PPP2R2C: variants seen among roughly 807,000 people sequenced by gnomAD.
PPP2R2C encodes the protein protein phosphatase 2, regulatory subunit B, gamma.
PPP2R2C carries 10 observed loss-of-function variants against 45.3 expected under a neutral mutation model. The observed-to-expected ratio is 0.22, with a 90% CI of 0.14 to 0.37. The LOEUF is 0.37. PPP2R2C is among the 10% of genes least tolerant of loss of function. The pLI is 1.00. For missense variants in PPP2R2C, 308 were observed against 619.7 expected (o/e 0.50, Z 5.34); for synonymous variants, 257 against 245.4 (o/e 1.05, Z -0.44).
chr4:6,429,672 T>A (rs903145724), intron 1 of PPP2R2C, among the ~76,000 whole-genome samples: 1 of 152,124 alleles, frequency 6.6e-6, no homozygotes, highest in Non-Finnish European at 1.5e-5. Context: ...CCGACAGGGA[T>A]GAAAAGCCAA....
At chr4:6,523,033 G>A (rs1253050837) in intron 2 of PPP2R2C, among the ~76,000 whole-genome samples, 2 of 152,234 alleles carry the variant, frequency 1.3e-5, no homozygotes, top group Non-Finnish European at 2.9e-5. Context: ...GGGTCAAGAA[G>A]TCATACGTCC....
intron 1 of PPP2R2C, among the ~76,000 whole-genome samples, chr4:6,447,743 T>C (rs1045472596): frequency 6.6e-6 from 1 of 151,966 alleles, no homozygotes; most frequent in Non-Finnish European, 1.5e-5. Flanking sequence ...AGTCAGGGTC[T>C]ACCTCGTAGG....
intron 1 of PPP2R2C, among the ~76,000 whole-genome samples, chr4:6,386,204 A>G (rs541082650): frequency 1.3e-5 from 2 of 152,346 alleles, no homozygotes; most frequent in African/African-American, 4.8e-5. Context: ...TGGGAGGAAC[A>G]GCCGGCGTTG....
Position 6,329,200 on chromosome 4 carries a change from C to A in PPP2R2C, c.1052+62G>T. 2.0e-6 allele frequency: 3 copies of A among 1,506,716 alleles called. No individual in the cohort carries two copies. The highest frequency in any genetic ancestry group is 2.1e-4 in the Middle Eastern group (1 of 4,746). 93.3% of individuals were successfully genotyped at this position (1,506,716 alleles called of 1,614,324 possible). On this transcript the variant is annotated intron_variant, in intron 8 of 8. Transcript: ENST00000382599. The surrounding 1 kb of genome is among the most constrained non-coding windows in gnomAD (Gnocchi z 5.8). ...CGGGTCACCGGAATCCCAGCCCAGA[C>A]CCCTGCAGGGCAGAAACCCTCCCTA...
At chr4:6,526,384 G>C (rs764899494) in intron 2 of PPP2R2C, among the ~76,000 whole-genome samples, 3 of 152,288 alleles carry the variant, frequency 2.0e-5, no homozygotes, top group Non-Finnish European at 4.4e-5. Flanking sequence ...GAAAGCTCTC[G>C]GCGCTCAGTG....
chr4:6,406,628 G>A (rs538476095), intron 1 of PPP2R2C, among the ~76,000 whole-genome samples: 3 of 152,038 alleles, frequency 2.0e-5, no homozygotes, highest in South Asian at 2.1e-4. Context: ...ATGGTGGCAC[G>A]CACCTGTAAT....
intron 1 of PPP2R2C, among the ~76,000 whole-genome samples, chr4:6,421,281 C>T (rs368623707): frequency 6.6e-6 from 1 of 152,108 alleles, no homozygotes; most frequent in African/African-American, 2.4e-5. Context: ...CCCTGAAGGC[C>T]GTGCGGGTCA....
In PPP2R2C at chr4:6,329,347, C is replaced by T. The variant is rs763692349; in HGVS notation, c.967G>A (p.Asp323Asn). 3 of 1,614,064 alleles carry T rather than the reference C, an allele frequency of 1.9e-6. No homozygotes were observed. The highest frequency in any genetic ancestry group is 2.5e-6 in the Non-Finnish European group (3 of 1,179,872). ...GAACAGAGCTTGCTCCGAAGGTAGT[C>T]ATGGACCTGGTGGGATAAGGGATGA... ...ARPIETYQVH[D>N]YLRSKLCSLY... Residue 323 changes from aspartate to asparagine, a missense_variant, in exon 8 of 9, where the codon GAC becomes AAC. Coordinates refer to ENST00000382599, the MANE Select transcript of PPP2R2C (RefSeq NM_020416.4). This position sits in a 1 kb window ranked among gnomAD's most constrained non-coding sequence, Gnocchi z 5.8.
chr4:6,412,294 G>A (rs921089001), intron 1 of PPP2R2C, among the ~76,000 whole-genome samples: 5 of 152,092 alleles, frequency 3.3e-5, no homozygotes, highest in Admixed American at 1.3e-4. Flanking sequence ...TCTAAACAAC[G>A]TTCAGGGGCT....
At chr4:6,359,264 A>G (rs1370783473) in intron 5 of PPP2R2C, among the ~76,000 whole-genome samples, 1 of 152,198 alleles carries the variant, frequency 6.6e-6, no homozygotes, top group East Asian at 1.9e-4. Flanking sequence ...CAAACTCCAC[A>G]TGTTCTCACT....
intron 1 of PPP2R2C, among the ~76,000 whole-genome samples, chr4:6,386,635 A>G (rs548104529): frequency 6.6e-6 from 1 of 152,248 alleles, no homozygotes; most frequent in South Asian, 2.1e-4. Flanking sequence ...AAGTAACAAA[A>G]ATCTAGAGTC....
intron 1 of PPP2R2C, among the ~76,000 whole-genome samples, chr4:6,543,628 C>T (rs1269455470): frequency 1.3e-5 from 2 of 152,168 alleles, no homozygotes; most frequent in East Asian, 3.9e-4. Context: ...CAAGGGACCC[C>T]TGAGAACCAT....
chr4:6,340,288 C>G (rs968044014), intron 6 of PPP2R2C, among the ~76,000 whole-genome samples: 1 of 152,182 alleles, frequency 6.6e-6, no homozygotes. Context: ...AGCCAGGTTC[C>G]TCTCAGACAC....
chr4:6,475,621 G>A (rs372971503), upstream of PPP2R2C, among the ~76,000 whole-genome samples: 34 of 152,224 alleles, frequency 2.2e-4, no homozygotes, highest in Middle Eastern at 6.8e-3. Flanking sequence ...CTGAGTTCTC[G>A]TGGTCTCACC....
intron 6 of PPP2R2C, among the ~76,000 whole-genome samples, chr4:6,336,638 TCC>T: frequency 9.1e-5 from 1 of 11,028 alleles, no homozygotes; most frequent in East Asian, 1.4e-3. Flanking sequence ...CTTACTTCCC[TCC>T]CTCCCTCCCT....
intron 1 of PPP2R2C, among the ~76,000 whole-genome samples, chr4:6,419,882 T>A (rs919288623): frequency 2.0e-5 from 3 of 152,078 alleles, no homozygotes; most frequent in Non-Finnish European, 4.4e-5. Flanking sequence ...CTGTGTGTCC[T>A]CTCCTTAGAA....
intron 2 of PPP2R2C, among the ~76,000 whole-genome samples, chr4:6,480,218 T>C (rs1312738667): frequency 2.0e-5 from 3 of 152,248 alleles, no homozygotes; most frequent in Admixed American, 6.5e-5. Context: ...TATATAAACC[T>C]GATCATATTG....
intron 1 of PPP2R2C, among the ~76,000 whole-genome samples, chr4:6,464,878 G>A (rs1383965622): frequency 2.0e-5 from 3 of 150,190 alleles, no homozygotes; most frequent in African/African-American, 7.4e-5. Context: ...GAAAGTGTGT[G>A]GGGGAGAGAC....
Position 6,332,772 on chromosome 4 carries a change from A to G in PPP2R2C, c.960+790T>C, listed in dbSNP as rs7682727. Reference sequence around the variant, plus strand: ...ACAGATGTCAAGCACGTGGCACCCCATGTGTGAGGAGTGACACGGTGAGGA... The same window carrying G: ...ACAGATGTCAAGCACGTGGCACCCCGTGTGTGAGGAGTGACACGGTGAGGA... On this transcript the variant is annotated intron_variant, in intron 7 of 8. Coordinates refer to ENST00000382599, the MANE Select transcript of PPP2R2C (RefSeq NM_020416.4). This position sits in a 1 kb window ranked among gnomAD's most constrained non-coding sequence, Gnocchi z 4.9. Among the ~76,000 whole-genome samples, 134,216 of 152,120 alleles carry G rather than the reference A, an allele frequency of 0.88. 59,505 individuals carry two copies. Among genetic ancestry groups the G allele is most frequent in the African/African-American group, 0.96 (39,757 of 41,516 alleles).
Sources: allele counts gnomAD v4.1 joint callset (sites outside exome capture counted in the v4.1 genomes callset), GRCh38; gene constraint gnomAD v4.1.1; non-coding constraint Gnocchi (gnomAD v3.1); transcripts MANE v1.5; gene names NCBI Gene and HGNC (gene_info 2026-07-23, HGNC 2026-07-21).